ZMYM4: variants seen among roughly 807,000 people sequenced by gnomAD.
ZMYM4 encodes the protein zinc finger MYM-type protein 4.
In ZMYM4, 31 loss-of-function variants were observed where a neutral mutation model predicts 183.2. The ratio of observed to expected loss-of-function variants is 0.17; its 90% CI spans 0.13 to 0.23. The LOEUF is 0.23. Ranked by LOEUF, ZMYM4 falls within the 10% of genes least tolerant of loss-of-function variation. ZMYM4 has a pLI of 1.00. For missense variants in ZMYM4, 1,273 were observed against 1,840.3 expected (o/e 0.69, Z 5.64); for synonymous variants, 592 against 631.2 (o/e 0.94, Z 0.93).
chr1:35,386,240 A>ACCTACAG (rs746991435), intron 11 of ZMYM4, 51 bp downstream of exon 11: 1 of 1,342,070 alleles, frequency 7.5e-7, no homozygotes, highest in Non-Finnish European at 1.1e-6. Context: ...CACCTACTGT[A>ACCTACAG]TGAGTCTGTT....
At chr1:35,393,831 A>G (rs1014007404) in intron 18 of ZMYM4, 92 bp downstream of exon 18, 1 of 1,397,366 alleles carries the variant, frequency 7.2e-7, no homozygotes, top group Non-Finnish European at 9.5e-7. Context: ...TTCCTAGGTG[A>G]TGTGTTTGGT....
rs764278469 is a variant in ZMYM4, at chr1:35,421,888, C to G, written c.*2211C>G. On this transcript the variant is annotated 3_prime_UTR_variant, in exon 30 of 30. Coordinates refer to ENST00000314607, the MANE Select transcript of ZMYM4 (RefSeq NM_005095.3). ...AGTTTTTAACCACTTTTAGGTTTTC[C>G]CCTTACAGAAACCACAGAAATATTC... 1 of 151,890 alleles carries G rather than the reference C, an allele frequency of 6.6e-6. No individual in the cohort carries two copies. The highest frequency in any genetic ancestry group is 1.5e-5 in the Non-Finnish European group (1 of 67,974). The allele number at this position is 151,890 out of a possible 1,614,324, so 9.4% of individuals were successfully genotyped here. A position where few individuals can be genotyped will look rare whatever the true frequency, so the allele number is the denominator to read the frequency against.
At chr1:35,327,453 C>G (rs1156316656) in intron 2 of ZMYM4, among the ~76,000 whole-genome samples, 2 of 152,064 alleles carry the variant, frequency 1.3e-5, no homozygotes, top group Non-Finnish European at 2.9e-5. Context: ...AGGGAATGTA[C>G]TTTTTTAAAA....
chr1:35,384,602 A>AT (rs1197965629), intron 9 of ZMYM4, among the ~76,000 whole-genome samples: 1 of 151,616 alleles, frequency 6.6e-6, no homozygotes, highest in Non-Finnish European at 1.5e-5. Flanking sequence ...CTTATGGAGT[A>AT]TTTTTTTTAT....
At chr1:35,408,424 T>A (rs1034889952) in intron 26 of ZMYM4, among the ~76,000 whole-genome samples, 4 of 152,190 alleles carry the variant, frequency 2.6e-5, no homozygotes, top group Admixed American at 2.0e-4. Context: ...AGGAAATTCT[T>A]AGAGGCATAT....
At chr1:35,376,184 C>T (rs1164398613) in intron 7 of ZMYM4, among the ~76,000 whole-genome samples, 1 of 152,016 alleles carries the variant, frequency 6.6e-6, no homozygotes, top group Non-Finnish European at 1.5e-5. Flanking sequence ...AAAGAAGTAA[C>T]ACCCAGATTG....
chr1:35,294,452 A>G (rs1315963834), intron 1 of ZMYM4, among the ~76,000 whole-genome samples: 1 of 152,212 alleles, frequency 6.6e-6, no homozygotes, highest in East Asian at 1.9e-4. Flanking sequence ...GTGAAAGGCA[A>G]GACAATCTTG....
In ZMYM4 at chr1:35,348,315, T is replaced by A. The variant is rs558019426; in HGVS notation, c.86-10610T>A. On this transcript the variant is annotated intron_variant, in intron 2 of 29. Coordinates refer to ENST00000314607, the MANE Select transcript of ZMYM4 (RefSeq NM_005095.3). The stretch of plus-strand genomic sequence containing the variant: ...CCACTGGTTTCAAACTTTAAAAAAA[T>A]TTTTGAAACACTGTTAGAAATATAT... 7.9e-5 allele frequency among the ~76,000 whole-genome samples: 12 copies of A among 152,354 alleles called. No homozygotes were observed. The East Asian group carries it at 1.2e-3, about 15-fold the overall frequency.
At chr1:35,303,363 G>C (rs1641380005) in intron 1 of ZMYM4, among the ~76,000 whole-genome samples, 1 of 151,292 alleles carries the variant, frequency 6.6e-6, no homozygotes, top group South Asian at 2.1e-4. Flanking sequence ...CTGTAGATTT[G>C]TAGTGGTGAT....
intron 1 of ZMYM4, among the ~76,000 whole-genome samples, chr1:35,306,306 T>G (rs1641531312): frequency 6.6e-6 from 1 of 152,156 alleles, no homozygotes; most frequent in Non-Finnish European, 1.5e-5. Flanking sequence ...TCTCCCTTCC[T>G]TTTTCTCCAC....
rs541222425 is a variant in ZMYM4, at chr1:35,278,797, T to C, written c.39+9712T>C. Among the ~76,000 whole-genome samples the C allele has an allele frequency of 1.6e-4, 25 of 152,260 alleles. No homozygotes were observed. The East Asian group carries it at 3.7e-3, about 22-fold the overall frequency. On this transcript the variant is annotated intron_variant, in intron 1 of 29. Coordinates refer to ENST00000314607, the MANE Select transcript of ZMYM4 (RefSeq NM_005095.3). ...TTTGAAATCTCATTGTCTTAAATCA[T>C]CTAAATTAGGTAAGAGTATGGACTC...
intron 1 of ZMYM4, among the ~76,000 whole-genome samples, chr1:35,294,533 T>C (rs1640914536): frequency 6.6e-6 from 1 of 152,128 alleles, no homozygotes; most frequent in African/African-American, 2.4e-5. Flanking sequence ...GGGTCTTAAA[T>C]ATGATACTGG....
intron 2 of ZMYM4, among the ~76,000 whole-genome samples, chr1:35,331,353 A>T (rs1642738476): frequency 6.6e-6 from 1 of 152,182 alleles, no homozygotes; most frequent in African/African-American, 2.4e-5. Context: ...TTCTTGAATT[A>T]AACAAACTGA....
chr1:35,346,666 A>AG lies in ZMYM4; in HGVS notation c.86-12259_86-12258insG, dbSNP rs1390410112. Among the ~76,000 whole-genome samples the AG allele has an allele frequency of 3.3e-5, 5 of 151,494 alleles. No homozygotes were observed. In the South Asian group the frequency reaches 6.2e-4, roughly 19 times the overall value. ...ACTCCATCTCAAAAAAAAAAAAAAAAAAAAGAAAAAAAAAAGAGAAAGAAA... is the reference window on the plus strand; with the variant it reads ...ACTCCATCTCAAAAAAAAAAAAAAAAGAAAAGAAAAAAAAAAGAGAAAGAAA... On this transcript the variant is annotated intron_variant, in intron 2 of 29. Coordinates refer to ENST00000314607, the MANE Select transcript of ZMYM4 (RefSeq NM_005095.3).
At chr1:35,413,732 C>T (rs1012386097) in intron 26 of ZMYM4, among the ~76,000 whole-genome samples, 10 of 152,132 alleles carry the variant, frequency 6.6e-5, no homozygotes, top group African/African-American at 2.4e-4. Context: ...TGTTTGAAAA[C>T]GAAGTACAAA....
chr1:35,412,206 G>A (rs532201796), intron 26 of ZMYM4, among the ~76,000 whole-genome samples: 1 of 152,140 alleles, frequency 6.6e-6, no homozygotes, highest in East Asian at 1.9e-4. Flanking sequence ...TGTTTGGATT[G>A]TTCATTGCTA....
chr1:35,340,255 A>T lies in ZMYM4; in HGVS notation c.85+14850A>T, dbSNP rs190155828. Among the ~76,000 whole-genome samples the T allele has an allele frequency of 5.1e-3, 779 of 152,104 alleles. 8 individuals carry two copies. The highest frequency in any genetic ancestry group is 0.02 in the Middle Eastern group (6 of 294). ...TTTATTTAAATCTTCAATGTCTTTGAATACAATTTTATAATTTACTCTGTA... is the reference window on the plus strand; with the variant it reads ...TTTATTTAAATCTTCAATGTCTTTGTATACAATTTTATAATTTACTCTGTA... On this transcript the variant is annotated intron_variant, in intron 2 of 29. Transcript: ENST00000314607.
intron 27 of ZMYM4, among the ~76,000 whole-genome samples, chr1:35,414,746 T>G (rs552453582): frequency 6.6e-6 from 1 of 152,218 alleles, no homozygotes; most frequent in East Asian, 1.9e-4. Context: ...CATGTGAAAA[T>G]TATATTAAAT....
At chr1:35,277,875 T>C (rs1485378653) in intron 1 of ZMYM4, among the ~76,000 whole-genome samples, 3 of 152,198 alleles carry the variant, frequency 2.0e-5, no homozygotes, top group African/African-American at 4.8e-5. Flanking sequence ...TTACCATATG[T>C]GATACATTCT....
Sources: allele counts gnomAD v4.1 joint callset (sites outside exome capture counted in the v4.1 genomes callset), GRCh38; gene constraint gnomAD v4.1.1; transcripts MANE v1.5; gene names NCBI Gene and HGNC (gene_info 2026-07-23, HGNC 2026-07-21).